The following PRDM2 variants were observed in gnomAD, a reference collection of about 807,000 sequenced individuals.
PRDM2 encodes PR domain zinc finger protein 2.
PRDM2 carries 30 observed loss-of-function variants against 130.0 expected under a neutral mutation model. That is an observed-to-expected ratio of 0.23 (90% CI 0.17 to 0.31). The LOEUF (loss-of-function observed/expected upper bound fraction) is 0.31. PRDM2 is among the 10% of genes least tolerant of loss of function. The pLI is 1.00. For missense variants in PRDM2, 2,011 were observed against 2,108.4 expected (o/e 0.95, Z 0.90); for synonymous variants, 871 against 782.4 (o/e 1.11, Z -1.89).
intron 6 of PRDM2, among the ~76,000 whole-genome samples, chr1:13,755,384 T>C (rs915328459): frequency 1.3e-5 from 2 of 152,236 alleles, no homozygotes; most frequent in Non-Finnish European, 1.5e-5. Flanking sequence ...AACCATGCTG[T>C]GCCCTATTTT....
At chr1:13,795,539 G>A (rs1020977846) in intron 8 of PRDM2, among the ~76,000 whole-genome samples, 1 of 152,202 alleles carries the variant, frequency 6.6e-6, no homozygotes, top group African/African-American at 2.4e-5. Context: ...CTAGTGGCAT[G>A]GCCTTTAAGC....
intron 1 of PRDM2, among the ~76,000 whole-genome samples, chr1:13,707,632 T>C (rs544436390): frequency 5.3e-5 from 8 of 152,338 alleles, no homozygotes; most frequent in African/African-American, 1.9e-4. Flanking sequence ...TGGCCTTGAA[T>C]CTGAAGCATA....
chr1:13,796,041 A>G (rs941279822), intron 8 of PRDM2, among the ~76,000 whole-genome samples: 2 of 152,142 alleles, frequency 1.3e-5, no homozygotes, highest in African/African-American at 4.8e-5. Flanking sequence ...GCTGCCTGTG[A>G]TGTCATTGTG....
chr1:13,799,344 C>T (rs1024060203), intron 8 of PRDM2, among the ~76,000 whole-genome samples: 1 of 151,792 alleles, frequency 6.6e-6, no homozygotes, highest in Admixed American at 6.6e-5. Context: ...ACTCAGGAGA[C>T]TGAGACAGGA....
At chr1:13,768,375 G>C (rs527613136) in intron 6 of PRDM2, among the ~76,000 whole-genome samples, 3 of 147,064 alleles carry the variant, frequency 2.0e-5, no homozygotes, top group Non-Finnish European at 4.5e-5. Context: ...GAGCCACCGC[G>C]CCCGGCCTTC....
intron 6 of PRDM2, among the ~76,000 whole-genome samples, chr1:13,769,367 T>G (rs574125807): frequency 1.3e-5 from 2 of 152,330 alleles, no homozygotes; most frequent in East Asian, 1.9e-4. Context: ...ATGTAGCAGG[T>G]TCCACCGCCT....
rs1191913457 is a variant in PRDM2, at chr1:13,779,741, A to G, written c.1946A>G (p.Lys649Arg). 2 of 1,614,172 alleles carry G rather than the reference A, an allele frequency of 1.2e-6. No individual in the cohort carries two copies. The highest frequency in any genetic ancestry group is 1.1e-5 in the South Asian group (1 of 91,088). Residue 649 changes from lysine to arginine, a missense_variant, in exon 8 of 10, where the codon AAA becomes AGA. This residue lies in a region of PRDM2 where 1,288 missense variants were observed against 1,237.7 expected (regional missense o/e 1.04). Coordinates refer to ENST00000311066, the MANE Select transcript of PRDM2 (RefSeq NM_001393986.1). This position sits in a 1 kb window ranked among gnomAD's most constrained non-coding sequence, Gnocchi z 4.9. ...ACTGCGAGCCCACCTGCACTGCCCAAAATTAAGGCCGAAACAGACTCTGAC... is the reference window on the plus strand; with the variant it reads ...ACTGCGAGCCCACCTGCACTGCCCAGAATTAAGGCCGAAACAGACTCTGAC... ...RRTASPPALP[K>R]IKAETDSDPM...
At chr1:13,708,939 G>A (rs1478082236) in intron 1 of PRDM2, among the ~76,000 whole-genome samples, 1 of 152,040 alleles carries the variant, frequency 6.6e-6, no homozygotes, top group African/African-American at 2.4e-5. Context: ...ATTTAATTTG[G>A]TAATATAGTC....
intron 6 of PRDM2, among the ~76,000 whole-genome samples, chr1:13,754,408 A>G (rs1643901696): frequency 6.6e-6 from 1 of 152,138 alleles, no homozygotes; most frequent in Admixed American, 6.5e-5. Flanking sequence ...GAGAGAAGGA[A>G]AAGGACACTT....
intron 4 of PRDM2, among the ~76,000 whole-genome samples, chr1:13,739,323 C>T (rs1416458684): frequency 6.6e-6 from 1 of 152,168 alleles, no homozygotes; most frequent in Non-Finnish European, 1.5e-5. Flanking sequence ...GCTGGGATTA[C>T]AGGCGTGAAC....
rs982448679 is a variant in PRDM2, at chr1:13,730,935, A to C, written c.10-65A>C. On this transcript the variant is annotated intron_variant, in intron 2 of 9. Coordinates refer to ENST00000311066, the MANE Select transcript of PRDM2 (RefSeq NM_001393986.1). ...CATACTTGCTTATTGAACCAGAAAA[A>C]AAAAAAAACCCATGATTTGAGTTTT... 2.7e-5 allele frequency: 35 copies of C among 1,280,360 alleles called. No homozygotes were observed. In the African/African-American group the frequency reaches 3.4e-4, roughly 12 times the overall value. The allele number at this position is 1,280,360 out of a possible 1,614,324, so 79.3% of individuals were successfully genotyped here.
At chr1:13,751,783 C>A (rs1159662771) in intron 6 of PRDM2, among the ~76,000 whole-genome samples, 1 of 152,162 alleles carries the variant, frequency 6.6e-6, no homozygotes, top group Non-Finnish European at 1.5e-5. Flanking sequence ...TAGTTCTGGA[C>A]CTCAGCTCCT....
intron 6 of PRDM2, among the ~76,000 whole-genome samples, chr1:13,760,217 G>C (rs1644062858): frequency 6.6e-6 from 1 of 152,128 alleles, no homozygotes; most frequent in Non-Finnish European, 1.5e-5. Flanking sequence ...TTTAAAGACA[G>C]GATCCTATAA....
In PRDM2 at chr1:13,824,943, T is replaced by C. The variant is rs1645408958; in HGVS notation, c.*1808T>C. The C allele has an allele frequency of 2.6e-5, 4 of 152,656 alleles. No individual in the cohort carries two copies. Among genetic ancestry groups the C allele is most frequent in the Admixed American group, 1.3e-4 (2 of 15,284 alleles). The allele number at this position is 152,656 out of a possible 1,614,324, so 9.5% of individuals were successfully genotyped here. A position where few individuals can be genotyped will look rare whatever the true frequency, so the allele number is the denominator to read the frequency against. On this transcript the variant is annotated 3_prime_UTR_variant, in exon 10 of 10. Transcript: ENST00000311066. Reference sequence around the variant, plus strand: ...CGCTCCCAGACGGTCAGGAAAACTGTTCCAATCATGAAAAGGGGGGATGAT... The same window carrying C: ...CGCTCCCAGACGGTCAGGAAAACTGCTCCAATCATGAAAAGGGGGGATGAT...
At chr1:13,759,963 T>C (rs1644056995) in intron 6 of PRDM2, among the ~76,000 whole-genome samples, 2 of 152,234 alleles carry the variant, frequency 1.3e-5, no homozygotes, top group African/African-American at 2.4e-5. Context: ...TGTTAATTGC[T>C]AAAGGTGTGA....
Position 13,781,245 on chromosome 1 carries a change from C to G in PRDM2, c.3450C>G (p.Thr1150=). The change falls in exon 8 of 10, where the codon ACC becomes ACG. Residue 1150 remains threonine, a synonymous_variant. Coordinates refer to ENST00000311066, the MANE Select transcript of PRDM2 (RefSeq NM_001393986.1). The surrounding 1 kb of genome is among the most constrained non-coding windows in gnomAD (Gnocchi z 6.1). The part of the protein sequence containing the change: ...ESPFLSIKDL[T]KHLSIHAEEW... ...CTTTTCTTTCCATTAAAGATCTAACCAAACATTTATCTATTCATGCTGAAG... is the reference window on the plus strand; with the variant it reads ...CTTTTCTTTCCATTAAAGATCTAACGAAACATTTATCTATTCATGCTGAAG... The G allele has an allele frequency of 6.2e-7, 1 of 1,614,168 alleles. No individual in the cohort carries two copies. The highest frequency in any genetic ancestry group is 8.5e-7 in the Non-Finnish European group (1 of 1,180,032).
intron 2 of PRDM2, among the ~76,000 whole-genome samples, chr1:13,727,239 G>A (rs1189081076): frequency 1.3e-5 from 2 of 152,008 alleles, no homozygotes; most frequent in African/African-American, 4.8e-5. Context: ...GTCTGAACAG[G>A]CATCTCCATC....
intron 7 of PRDM2, among the ~76,000 whole-genome samples, chr1:13,777,006 T>C (rs973539795): frequency 1.3e-5 from 2 of 152,212 alleles, no homozygotes; most frequent in Non-Finnish European, 2.9e-5. Context: ...TATATTTACT[T>C]GGATGTCTAT....
chr1:13,724,018 G>C (rs1331736677), intron 2 of PRDM2, among the ~76,000 whole-genome samples: 2 of 152,204 alleles, frequency 1.3e-5, no homozygotes, highest in African/African-American at 4.8e-5. Context: ...GGAGAGTGTT[G>C]TAACAGAGCC....
Sources: gnomAD v4.1 joint callset for allele counts (sites outside exome capture counted in the v4.1 genomes callset) on GRCh38, gnomAD v4.1.1 for gene constraint, gnomAD v4.1.1 regional missense constraint, Gnocchi (gnomAD v3.1) non-coding constraint, MANE v1.5 for transcripts, NCBI Gene and HGNC (gene_info 2026-07-23, HGNC 2026-07-21) for gene names.